The following SEMA3D variants were observed in gnomAD, a reference collection of about 807,000 sequenced individuals.
The protein encoded by SEMA3D is semaphorin 3D.
In SEMA3D, 84 loss-of-function variants were observed where a neutral mutation model predicts 100.1. The observed-to-expected ratio is 0.84, with a 90% CI of 0.70 to 1.01. The LOEUF (loss-of-function observed/expected upper bound fraction) is 1.01, where lower values mean the gene tolerates loss of function less well. Among genes scored for constraint, SEMA3D ranks in the 50% least tolerant of loss-of-function variants. SEMA3D has a pLI of 0.00. For synonymous variants in SEMA3D, 312 were observed against 320.7 expected, an observed-to-expected ratio of 0.97 and a Z score of 0.29; for missense variants, 875 against 934.1, an observed-to-expected ratio of 0.94 and a Z score of 0.82.
chr7:85,006,928 T>A lies in SEMA3D; in HGVS notation c.1782A>T (p.Glu594Asp). ...CWDIEDSISH[E>D]TADEKVIFGI... ...CAAAAATCACCTTTTCATCAGCAGTTTCATGACTAATGCCTGGAAAGCAAA... is the reference window on the plus strand; with the variant it reads ...CAAAAATCACCTTTTCATCAGCAGTATCATGACTAATGCCTGGAAAGCAAA... Residue 594 changes from glutamate (E) to aspartate (D), a missense_variant, in exon 18 of 19, where the codon GAA becomes GAT. Physicochemically the swap from Glu to Asp is conservative, Grantham distance 45. Coordinates refer to ENST00000284136, the MANE Select transcript of SEMA3D (RefSeq NM_001384900.1). 1 of 1,610,006 alleles carries A rather than the reference T, an allele frequency of 6.2e-7. No individual in the cohort carries two copies. Among genetic ancestry groups the A allele is most frequent in the Admixed American group, 1.7e-5 (1 of 59,634 alleles).
the SEMA3D span, among the ~76,000 whole-genome samples, chr7:85,213,424 T>C: frequency 1.3e-5 from 2 of 152,064 alleles, no homozygotes; most frequent in Non-Finnish European, 2.9e-5. Flanking sequence ...TTATATGTTA[T>C]CAGATGAGCT....
Position 85,116,657 on chromosome 7 carries a change from G to A in SEMA3D, c.151+5084C>T, listed in dbSNP as rs191668456. ...AGTTTAAAAAGTATTTATGGTTATT[G>A]TTTTTGTGTCCTAAGACATTTTTGC... On this transcript the variant is annotated intron_variant, in intron 3 of 18. Transcript: ENST00000284136. 1.2e-3 allele frequency among the ~76,000 whole-genome samples: 177 copies of A among 151,714 alleles called. 1 individual carries two copies. The highest frequency in any genetic ancestry group is 3.9e-3 in the African/African-American group (163 of 41,428).
At chr7:85,110,979 CAT>C (rs1424770256) in intron 3 of SEMA3D, among the ~76,000 whole-genome samples, 1 of 152,004 alleles carries the variant, frequency 6.6e-6, no homozygotes, top group Non-Finnish European at 1.5e-5. Flanking sequence ...TTTTAGTTGT[CAT>C]CTCTCTAGAC....
chr7:85,183,482 C>CG (rs1206498434), intron 1 of SEMA3D, among the ~76,000 whole-genome samples: 4 of 152,168 alleles, frequency 2.6e-5, no homozygotes, highest in African/African-American at 4.8e-5. Flanking sequence ...AGATATGCTT[C>CG]CTCTGCCTTT....
At chr7:85,039,591 G>T (rs1309092862) in intron 11 of SEMA3D, among the ~76,000 whole-genome samples, 1 of 152,124 alleles carries the variant, frequency 6.6e-6, no homozygotes, top group Non-Finnish European at 1.5e-5. Flanking sequence ...AAGTCGGAAG[G>T]TCTCAATGAT....
chr7:85,043,114 T>C (rs1233411979), intron 9 of SEMA3D, among the ~76,000 whole-genome samples: 1 of 152,132 alleles, frequency 6.6e-6, no homozygotes, highest in Non-Finnish European at 1.5e-5. Context: ...TCACAGCACT[T>C]TGGGAGGCTG....
At chr7:85,061,698 C>A (rs1791483337) in intron 8 of SEMA3D, among the ~76,000 whole-genome samples, 1 of 152,144 alleles carries the variant, frequency 6.6e-6, no homozygotes, top group Admixed American at 6.6e-5. Context: ...TCCATCAGAT[C>A]CCTCTTCATT....
intron 7 of SEMA3D, among the ~76,000 whole-genome samples, chr7:85,066,913 C>CATACACACAGAGAGAGAGAGAGAG: frequency 9.4e-5 from 12 of 127,822 alleles, no homozygotes; most frequent in African/African-American, 3.8e-4. Flanking sequence ...CACACACACA[C>CATACACACAGAGAGAGAGAGAGAG]AGAGAGAGAG....
At chr7:85,121,971 G>A in intron 2 of SEMA3D, 40 bp from the exon 3 acceptor site, 1 of 1,027,270 alleles carries the variant, frequency 9.7e-7, no homozygotes, top group Non-Finnish European at 1.4e-6. Context: ...TAAGGTATCA[G>A]CAAACTGACA....
At chr7:85,195,950 G>C in the SEMA3D span, among the ~76,000 whole-genome samples, 801 of 152,170 alleles carry the variant, frequency 5.3e-3, 11 homozygotes, top group African/African-American at 0.018. Context: ...GGAACACTTA[G>C]TTACACAAAG....
At chr7:85,163,860 C>T (rs933421109) in intron 1 of SEMA3D, among the ~76,000 whole-genome samples, 1 of 152,054 alleles carries the variant, frequency 6.6e-6, no homozygotes, top group African/African-American at 2.4e-5. Context: ...TAATTTTTGC[C>T]AATCTTTCAA....
At chr7:85,211,865 CTTATT>C in the SEMA3D span, among the ~76,000 whole-genome samples, 1 of 151,940 alleles carries the variant, frequency 6.6e-6, no homozygotes, top group East Asian at 1.9e-4. Flanking sequence ...TTTTCTCTAG[CTTATT>C]TTATTATAGG....
intron 3 of SEMA3D, among the ~76,000 whole-genome samples, chr7:85,118,207 A>G (rs1789300769): frequency 6.6e-6 from 1 of 152,098 alleles, no homozygotes; most frequent in Non-Finnish European, 1.5e-5. Context: ...TTTTGTTAAT[A>G]CATTTCACTT....
chr7:85,227,620 A>G, the SEMA3D span, among the ~76,000 whole-genome samples: 1 of 152,216 alleles, frequency 6.6e-6, no homozygotes, highest in African/African-American at 2.4e-5. Context: ...ACTGAAATAC[A>G]TGGCATCTAA....
At chr7:85,244,019 G>T in the SEMA3D span, among the ~76,000 whole-genome samples, 1 of 152,104 alleles carries the variant, frequency 6.6e-6, no homozygotes, top group East Asian at 1.9e-4. Context: ...AATGTATGTT[G>T]TCTTAGTCCA....
chr7:85,192,531 A>G, the SEMA3D span, among the ~76,000 whole-genome samples: 2 of 152,104 alleles, frequency 1.3e-5, no homozygotes, highest in Non-Finnish European at 2.9e-5. Context: ...ACCAAATTCT[A>G]TCTTACTAAT....
intron 1 of SEMA3D, among the ~76,000 whole-genome samples, chr7:85,169,514 TTAA>T (rs1791026184): frequency 6.6e-6 from 1 of 151,808 alleles, no homozygotes; most frequent in Non-Finnish European, 1.5e-5. Flanking sequence ...GCTTATCAAC[TTAA>T]TGATACGGAG....
chr7:85,111,023 T>C (rs1385735516), intron 3 of SEMA3D, among the ~76,000 whole-genome samples: 1 of 152,076 alleles, frequency 6.6e-6, no homozygotes, highest in African/African-American at 2.4e-5. Flanking sequence ...ACTGATTATC[T>C]CTTTCCTTTT....
chr7:85,247,907 C>T, the SEMA3D span, among the ~76,000 whole-genome samples: 19 of 152,058 alleles, frequency 1.2e-4, no homozygotes, highest in East Asian at 3.7e-3. Flanking sequence ...GCATTATAGG[C>T]ATAAAGGTAA....
Sources: allele counts gnomAD v4.1 joint callset (sites outside exome capture counted in the v4.1 genomes callset), GRCh38; gene constraint gnomAD v4.1.1; transcripts MANE v1.5; gene names NCBI Gene and HGNC (gene_info 2026-07-23, HGNC 2026-07-21).